Variants in PPP1R3F observed in about 807,000 individuals in gnomAD.
PPP1R3F encodes the protein protein phosphatase 1 regulatory subunit 3F.
Under a neutral mutation model 24.2 loss-of-function variants are expected in PPP1R3F, and 29 were observed. The observed-to-expected ratio is 1.20, with a 90% CI of 0.89 to 1.63. The LOEUF is 1.63. PPP1R3F is among the 40% of genes most tolerant of loss of function. The pLI is 0.00. For synonymous variants in PPP1R3F, 363 were observed against 340.1 expected (o/e 1.07, Z -0.74); for missense variants, 823 against 729.3 (o/e 1.13, Z -1.48).
downstream of PPP1R3F, among the ~76,000 whole-genome samples, chrX:49,292,992 A>G (rs2066313324): frequency 8.9e-6 from 1 of 112,171 alleles, no homozygotes; most frequent in Non-Finnish European, 1.9e-5. Flanking sequence ...TGCCTTCCTC[A>G]AAGTGCTCAG....
At chrX:49,279,860 C>G (rs1045286043) in intron 1 of PPP1R3F, among the ~76,000 whole-genome samples, 5 of 112,608 alleles carry the variant, frequency 4.4e-5, no homozygotes, top group African/African-American at 1.3e-4. Context: ...AGTGACTTCT[C>G]CATGATGAGA....
At chrX:49,298,380 C>T (rs1348758613) in intron 3 of PPP1R3F, among the ~76,000 whole-genome samples, 1 of 112,120 alleles carries the variant, frequency 8.9e-6, no homozygotes, top group East Asian at 2.8e-4. Flanking sequence ...TGCAGAGATC[C>T]ACTCTTAGTC....
chrX:49,282,149 C>G (rs958061716), intron 3 of PPP1R3F, 86 bp downstream of exon 3: 33 of 728,518 alleles, frequency 4.5e-5, no homozygotes, highest in Non-Finnish European at 6.6e-5. Flanking sequence ...GTGGGGCCCA[C>G]TAGCTCTGGG....
chrX:49,292,677 C>T (rs906936222), downstream of PPP1R3F, among the ~76,000 whole-genome samples: 4 of 112,746 alleles, frequency 3.5e-5, no homozygotes, highest in African/African-American at 9.6e-5. Flanking sequence ...GAGGATCCCT[C>T]GAAAGAGGAG....
At chrX:49,281,269 A>G (rs888213174) in intron 1 of PPP1R3F, 137 bp from the exon 2 acceptor site, 2 of 396,965 alleles carry the variant, frequency 5.0e-6, no homozygotes, top group Non-Finnish European at 4.2e-6. Flanking sequence ...GAGGGGATAA[A>G]CAAAGGCAGC....
chrX:49,286,256 C>T lies in PPP1R3F; in HGVS notation c.1566C>T (p.Pro522=). 8.3e-7 allele frequency: 1 copy of T among 1,210,273 alleles called. No individual in the cohort carries two copies. The highest frequency in any genetic ancestry group is 1.1e-6 in the Non-Finnish European group (1 of 894,740). Reference sequence around the variant, plus strand: ...GCTCCACAGATGGAGGGATGTCCCCCAGCCATCCCCTGGGCATACTGACGG... The same window carrying T: ...GCTCCACAGATGGAGGGATGTCCCCTAGCCATCCCCTGGGCATACTGACGG... ...GEGSTDGGMS[P]SHPLGILTDR... Residue 522 remains proline (P), a synonymous_variant, in exon 4 of 4, where the codon CCC becomes CCT. Transcript: ENST00000055335.
intron 3 of PPP1R3F, among the ~76,000 whole-genome samples, chrX:49,298,817 C>T (rs1379740821): frequency 9.0e-6 from 1 of 110,694 alleles, no homozygotes; most frequent in African/African-American, 3.3e-5. Context: ...CTTGTGTATA[C>T]TTCATGAAGT....
chrX:49,275,674 G>A (rs923064572), intron 1 of PPP1R3F: 10 of 112,498 alleles, frequency 8.9e-5, no homozygotes, highest in African/African-American at 2.9e-4. Context: ...GTGAGGGGTA[G>A]GGACATGGTC....
intron 3 of PPP1R3F, among the ~76,000 whole-genome samples, chrX:49,295,776 A>G (rs1364819444): frequency 1.8e-5 from 2 of 110,847 alleles, no homozygotes; most frequent in African/African-American, 6.6e-5. Context: ...TTCTTTTTAA[A>G]AAAGACTTTT....
At chrX:49,282,386 T>C (rs949836666) in intron 3 of PPP1R3F, among the ~76,000 whole-genome samples, 14 of 109,719 alleles carry the variant, frequency 1.3e-4, no homozygotes, top group Non-Finnish European at 2.5e-4. Flanking sequence ...TATGGTACTT[T>C]AGGTGATGAT....
intron 3 of PPP1R3F, among the ~76,000 whole-genome samples, chrX:49,285,078 A>G (rs1199278581): frequency 1.8e-5 from 2 of 111,529 alleles, no homozygotes; most frequent in East Asian, 5.6e-4. Context: ...TTGAGGGGAC[A>G]TAGTAAGTGT....
At chrX:49,282,708 G>A (rs2066257089) in intron 3 of PPP1R3F, among the ~76,000 whole-genome samples, 1 of 106,940 alleles carries the variant, frequency 9.4e-6, no homozygotes, top group African/African-American at 3.6e-5. Flanking sequence ...GGGGCAGAAC[G>A]AGGGAGGGGG....
chrX:49,284,505 C>CTTTTT (rs1408370876), intron 3 of PPP1R3F, among the ~76,000 whole-genome samples: 1 of 43,951 alleles, frequency 2.3e-5, no homozygotes, highest in Non-Finnish European at 4.4e-5. Context: ...TTTTCTTTTT[C>CTTTTT]TTTCTTTTTT....
chrX:49,289,543 G>A (rs2066302773), downstream of PPP1R3F, among the ~76,000 whole-genome samples: 1 of 111,710 alleles, frequency 9.0e-6, no homozygotes, highest in Non-Finnish European at 1.9e-5. Context: ...CTTCCACACT[G>A]ATCCATTTAT....
In PPP1R3F at chrX:49,285,941, T is replaced by A; in HGVS notation, c.1251T>A (p.Ile417=). 1 of 1,206,519 alleles carries A rather than the reference T, an allele frequency of 8.3e-7. No individual in the cohort carries two copies. The highest frequency in any genetic ancestry group is 1.1e-6 in the Non-Finnish European group (1 of 892,647). The change falls in exon 4 of 4, where the codon ATT becomes ATA. Residue 417 remains isoleucine, a synonymous_variant. Coordinates refer to ENST00000055335, the MANE Select transcript of PPP1R3F (RefSeq NM_033215.5). ...TEVLQAPAIR[I]PPSSPLCGLG... is the part of the protein sequence containing the mutation. ...TCCTCCAGGCACCGGCCATCAGGATTCCCCCCTCCTCCCCTCTCTGTGGCC... is the reference window on the plus strand; with the variant it reads ...TCCTCCAGGCACCGGCCATCAGGATACCCCCCTCCTCCCCTCTCTGTGGCC...
At chrX:49,298,474 C>G (rs1245034018) in intron 3 of PPP1R3F, among the ~76,000 whole-genome samples, 2 of 111,656 alleles carry the variant, frequency 1.8e-5, no homozygotes, top group Non-Finnish European at 3.8e-5. Context: ...CTTGGTGAAT[C>G]TGATGATTAT....
At chrX:49,274,623 C>T (rs918801129) in intron 1 of PPP1R3F, 1 of 112,403 alleles carries the variant, frequency 8.9e-6, no homozygotes, top group Non-Finnish European at 1.9e-5. Flanking sequence ...CCAGCACGTG[C>T]TAAGCTTTGT....
chrX:49,286,572 G>A lies in PPP1R3F; in HGVS notation c.1882G>A (p.Gly628Ser). 4.1e-6 allele frequency: 5 copies of A among 1,211,584 alleles called. No homozygotes were observed. Among genetic ancestry groups the A allele is most frequent in the Non-Finnish European group, 4.5e-6 (4 of 895,305 alleles). The change falls in exon 4 of 4, where the codon GGC (glycine) becomes AGC (serine). Residue 628 changes from glycine (G) to serine (S), a missense_variant. Physicochemically the swap from Gly to Ser is moderately conservative, Grantham distance 56. Transcript: ENST00000055335. ...ATGGGCAGAGGGCTCAGGATGTGAC[G>A]GCCCTGTGGTTCTGGGTACAGAGGG... Reference protein sequence around the residue: ...LPWAEGSGCDGPVVLGTEGQF... With the variant: ...LPWAEGSGCDSPVVLGTEGQF...
Position 49,270,088 on chromosome X carries a change from C to G in PPP1R3F, c.219C>G (p.Gly73=). The G allele has an allele frequency of 5.3e-6, 5 of 948,324 alleles. No homozygotes were observed. Among genetic ancestry groups the G allele is most frequent in the Non-Finnish European group, 6.6e-6 (5 of 755,560 alleles). 78.2% of individuals were successfully genotyped at this position (948,324 alleles called of 1,213,427 possible). A position where few individuals can be genotyped will look rare whatever the true frequency, so the allele number is the denominator to read the frequency against. ...TGGCGGCGGCGGCCGGGCAAGATGGCGGCGGCGGCGGCGGGGCCGACGAGG... is the reference window on the plus strand; with the variant it reads ...TGGCGGCGGCGGCCGGGCAAGATGGGGGCGGCGGCGGCGGGGCCGACGAGG... ...GKMAAAAGQD[G]GGGGGADEDD... The change falls in exon 1 of 4, where the codon GGC becomes GGG. Residue 73 remains glycine, a synonymous_variant. Coordinates refer to ENST00000055335, the MANE Select transcript of PPP1R3F (RefSeq NM_033215.5).
Sources: allele counts gnomAD v4.1 joint callset (sites outside exome capture counted in the v4.1 genomes callset), GRCh38; gene constraint gnomAD v4.1.1; transcripts MANE v1.5; gene names NCBI Gene and HGNC (gene_info 2026-07-23, HGNC 2026-07-21).